Variants in TUT4 observed in about 807,000 individuals in gnomAD.
The protein encoded by TUT4 is terminal uridylyltransferase 4.
Under a neutral mutation model 192.2 loss-of-function variants are expected in TUT4, and 36 were observed. That is an observed-to-expected ratio of 0.19 (90% confidence interval 0.14 to 0.25). TUT4 has a LOEUF of 0.25. TUT4 is among the 10% of genes least tolerant of loss of function. The pLI is 1.00. For missense variants in TUT4, 1,493 were observed against 1,957.2 expected (o/e 0.76, Z 4.47); for synonymous variants, 618 against 666.0 (o/e 0.93, Z 1.11).
intron 27 of TUT4, chr1:52,433,704 G>A (rs941614207): frequency 6.6e-6 from 1 of 152,178 alleles, no homozygotes; most frequent in African/African-American, 2.4e-5. Flanking sequence ...CTGAGGGTTC[G>A]CGTTCTGATT....
chr1:52,520,648 T>G (rs1301343861), intron 2 of TUT4, among the ~76,000 whole-genome samples: 1 of 152,154 alleles, frequency 6.6e-6, no homozygotes, highest in Non-Finnish European at 1.5e-5. Context: ...GTTCACCTCT[T>G]TCCTTCAAGT....
chr1:52,536,387 A>G (rs1424420665), intron 1 of TUT4, among the ~76,000 whole-genome samples: 1 of 152,202 alleles, frequency 6.6e-6, no homozygotes, highest in African/African-American at 2.4e-5. Context: ...CACACACACA[A>G]AATCAAAACA....
At chr1:52,517,856 C>A (rs1025931020) in intron 2 of TUT4, among the ~76,000 whole-genome samples, 2 of 152,134 alleles carry the variant, frequency 1.3e-5, no homozygotes, top group Non-Finnish European at 2.9e-5. Context: ...AATAATGTAA[C>A]CTTCTTCTCT....
At position 52,471,318 on chromosome 1, in the gene TUT4, C is replaced by T. The variant is rs1031327121; in HGVS notation, c.2878+634G>A. 3.3e-5 allele frequency among the ~76,000 whole-genome samples: 5 copies of T among 152,136 alleles called. No individual in the cohort carries two copies. The East Asian group carries it at 9.6e-4, about 29-fold the overall frequency. On this transcript the variant is annotated intron_variant, in intron 14 of 29. Coordinates refer to ENST00000257177, the MANE Select transcript of TUT4 (RefSeq NM_001009881.3). Reference sequence around the variant, plus strand: ...GCGTGGGCCACTGCGCCCGGCCACTCTATGCTTTTATGCATAATCTTTGAC... The same window carrying T: ...GCGTGGGCCACTGCGCCCGGCCACTTTATGCTTTTATGCATAATCTTTGAC...
chr1:52,495,670 T>C (rs1008078542), intron 5 of TUT4, among the ~76,000 whole-genome samples, 155 bp from the exon 6 acceptor site: 6 of 152,076 alleles, frequency 3.9e-5, no homozygotes, highest in Non-Finnish European at 5.9e-5. Flanking sequence ...AACTGATCTA[T>C]AGAATAAAAA....
In TUT4 at chr1:52,469,827, C is replaced by A. The variant is rs991475553; in HGVS notation, c.2879-1560G>T. ...AATGGCTGGAACCCAGGAGGCGGAG[C>A]TTGCAGTGAGCTGAGATGGCGCCAC... is the stretch of plus-strand genomic sequence containing the variant. On this transcript the variant is annotated intron_variant, in intron 14 of 29. Transcript: ENST00000257177. Among the ~76,000 whole-genome samples the A allele has an allele frequency of 7.6e-5, 11 of 145,670 alleles. No homozygotes were observed. The East Asian group carries it at 2.3e-3, about 31-fold the overall frequency.
chr1:52,486,082 T>A (rs1169057526), intron 9 of TUT4, among the ~76,000 whole-genome samples: 6 of 151,998 alleles, frequency 3.9e-5, no homozygotes, highest in Non-Finnish European at 7.4e-5. Context: ...AAGACAAGGG[T>A]AAACTGCCTA....
chr1:52,508,258 C>A (rs1006440506), intron 4 of TUT4, among the ~76,000 whole-genome samples: 1 of 146,852 alleles, frequency 6.8e-6, no homozygotes, highest in African/African-American at 2.5e-5. Context: ...ACCTGGGAGG[C>A]AGAGGTTACA....
intron 9 of TUT4, among the ~76,000 whole-genome samples, chr1:52,488,464 T>C (rs994282317): frequency 1.3e-4 from 20 of 152,154 alleles, no homozygotes; most frequent in African/African-American, 4.6e-4. Flanking sequence ...TGCTCAGCAG[T>C]TGCCCAATCA....
chr1:52,455,665 G>C (rs573687863), intron 20 of TUT4, among the ~76,000 whole-genome samples: 1 of 145,890 alleles, frequency 6.9e-6, no homozygotes, highest in African/African-American at 2.5e-5. Flanking sequence ...GGGCAGGGGA[G>C]GGGGGGAGAG....
In TUT4 at chr1:52,495,437, A is replaced by C; in HGVS notation, c.1256T>G (p.Phe419Cys). 20 of 1,603,694 alleles carry C rather than the reference A, an allele frequency of 1.2e-5. No homozygotes were observed. Among genetic ancestry groups the C allele is most frequent in the Non-Finnish European group, 1.7e-5 (20 of 1,173,282 alleles). ...KSSDVNIDIK[F>C]PPKMNHPDLL... ...ATTCTAATTACTTACCTTGGGAGGA[A>C]ATTTTATATCTATATTAACATCACT... Residue 419 changes from phenylalanine to cysteine, a missense_variant, in exon 6 of 30, where the codon TTT becomes TGT. By Grantham distance (205) the Phe-to-Cys change is radical. Transcript: ENST00000257177.
At chr1:52,424,951 ATATAT>A (rs1649341171) in intron 29 of TUT4, 1 of 156,812 alleles carries the variant, frequency 6.4e-6, no homozygotes. Flanking sequence ...CAGTGACTGC[ATATAT>A]TAATCCCTCA....
At chr1:52,439,816 C>T (rs1654964185) in intron 24 of TUT4, among the ~76,000 whole-genome samples, 1 of 152,122 alleles carries the variant, frequency 6.6e-6, no homozygotes, top group Non-Finnish European at 1.5e-5. Flanking sequence ...AAAATTTGCA[C>T]ACAAATATTC....
At chr1:52,521,888 C>T (rs1297704550) in intron 2 of TUT4, among the ~76,000 whole-genome samples, 1 of 152,038 alleles carries the variant, frequency 6.6e-6, no homozygotes, top group East Asian at 1.9e-4. Flanking sequence ...TCACTTGAAC[C>T]CGGGAGGTGG....
At chr1:52,490,877 G>T in intron 7 of TUT4, 76 bp from the exon 8 acceptor site, 1 of 1,177,692 alleles carries the variant, frequency 8.5e-7, no homozygotes, top group Non-Finnish European at 1.2e-6. Flanking sequence ...TTAAGTAACA[G>T]TTTCCTTCTG....
intron 1 of TUT4, among the ~76,000 whole-genome samples, chr1:52,531,885 C>CTTTTTTTT (rs1158088077): frequency 8.7e-5 from 7 of 80,808 alleles, no homozygotes; most frequent in Admixed American, 1.3e-4. Flanking sequence ...CTTTTCTCAT[C>CTTTTTTTT]TTTTTTTTTT....
At chr1:52,462,881 AGG>A in intron 16 of TUT4, 1 of 985,340 alleles carries the variant, frequency 1.0e-6, no homozygotes, top group Non-Finnish European at 1.2e-6. Context: ...AAATAGCTGA[AGG>A]GTATAAACAT....
intron 3 of TUT4, chr1:52,515,613 GT>G (rs1678521912): frequency 1.9e-6 from 1 of 517,514 alleles, no homozygotes; most frequent in East Asian, 2.9e-5. Context: ...GAGACTAGGT[GT>G]ATTTTAACCC....
At chr1:52,466,002 TC>T (rs1479079092) in intron 15 of TUT4, among the ~76,000 whole-genome samples, 1 of 152,066 alleles carries the variant, frequency 6.6e-6, no homozygotes, top group East Asian at 1.9e-4. Context: ...CACCTCAACC[TC>T]CCAAGTGGCT....
Sources: gnomAD v4.1 joint callset for allele counts (sites outside exome capture counted in the v4.1 genomes callset) on GRCh38, gnomAD v4.1.1 for gene constraint, MANE v1.5 for transcripts, NCBI Gene and HGNC (gene_info 2026-07-23, HGNC 2026-07-21) for gene names.